Variants in SLC14A2 observed in about 807,000 individuals in gnomAD.
SLC14A2 encodes the protein solute carrier family 14 member 2.
Under a neutral mutation model 104.6 loss-of-function variants are expected in SLC14A2, and 91 were observed. The observed-to-expected ratio is 0.87, with a 90% CI of 0.73 to 1.04. The LOEUF (loss-of-function observed/expected upper bound fraction) is 1.04, where lower values mean the gene tolerates loss of function less well. Ranked by LOEUF, SLC14A2 falls within the 50% of genes least tolerant of loss-of-function variation. The pLI is 0.00. For missense variants in SLC14A2, 1,189 were observed against 1,156.0 expected (o/e 1.03, Z -0.41); for synonymous variants, 476 against 466.4 (o/e 1.02, Z -0.27).
chr18:45,594,913 C>A (rs1411364687), intron 2 of SLC14A2, among the ~76,000 whole-genome samples: 3 of 152,192 alleles, frequency 2.0e-5, no homozygotes, highest in Non-Finnish European at 4.4e-5. Flanking sequence ...ACTACGCATG[C>A]CACACCTGCA....
At chr18:45,284,434 A>G (rs1230925616) in intron 1 of SLC14A2, among the ~76,000 whole-genome samples, 1 of 152,158 alleles carries the variant, frequency 6.6e-6, no homozygotes, top group Non-Finnish European at 1.5e-5. Context: ...ATGTTTTGGC[A>G]GGCGCTGTCT....
chr18:45,369,613 T>G (rs1158358516), intron 1 of SLC14A2, among the ~76,000 whole-genome samples: 1 of 152,218 alleles, frequency 6.6e-6, no homozygotes, highest in East Asian at 1.9e-4. Context: ...GTGCTTTCAT[T>G]TAATTTCTTT....
intron 1 of SLC14A2, among the ~76,000 whole-genome samples, chr18:45,375,342 CT>C (rs2144363967): frequency 6.6e-6 from 1 of 152,314 alleles, no homozygotes; most frequent in African/African-American, 2.4e-5. Context: ...GCTTGAGATA[CT>C]TTGCAGACCC....
At chr18:45,281,294 A>G (rs986545838) in intron 1 of SLC14A2, among the ~76,000 whole-genome samples, 1 of 152,140 alleles carries the variant, frequency 6.6e-6, no homozygotes, top group Non-Finnish European at 1.5e-5. Context: ...TATATCATAT[A>G]TATACACACT....
chr18:45,425,125 C>T (rs141366363), intron 1 of SLC14A2, among the ~76,000 whole-genome samples: 9 of 152,296 alleles, frequency 5.9e-5, no homozygotes, highest in African/African-American at 2.2e-4. Flanking sequence ...TTGAGATTTT[C>T]AAGGCACGAA....
intron 1 of SLC14A2, among the ~76,000 whole-genome samples, chr18:45,384,807 G>A (rs962036388): frequency 4.1e-4 from 63 of 152,232 alleles, no homozygotes; most frequent in African/African-American, 1.3e-3. Context: ...TGGGGAGATG[G>A]GAAGTGAGTG....
chr18:45,479,168 G>T (rs1005933167), intron 1 of SLC14A2, among the ~76,000 whole-genome samples: 15 of 152,294 alleles, frequency 9.8e-5, no homozygotes, highest in African/African-American at 3.1e-4. Flanking sequence ...AAATTCAAAA[G>T]GAAGTGGGCA....
At chr18:45,192,030 C>A in the SLC14A2 span, among the ~76,000 whole-genome samples, 2 of 152,178 alleles carry the variant, frequency 1.3e-5, no homozygotes, top group African/African-American at 2.4e-5. Flanking sequence ...GGAATCCCAA[C>A]TCATGAGAAT....
In SLC14A2 at chr18:45,315,302, T is replaced by C. The variant is rs577761655; in HGVS notation, c.-125+102111T>C. 6.8e-4 allele frequency among the ~76,000 whole-genome samples: 103 copies of C among 152,216 alleles called. 1 individual carries two copies. The Middle Eastern group carries it at 0.017, about 25-fold the overall frequency. ...AGATCTGATTCCAGTTGTGGTCTAA[T>C]TGGAAAGGTCATTTGGCTGTGATGA... On this transcript the variant is annotated intron_variant, in intron 1 of 20. Coordinates refer to the SLC14A2 transcript ENST00000586448.
At position 45,667,781 on chromosome 18, in the gene SLC14A2, A is replaced by G. The variant is rs921181837; in HGVS notation, c.1718-52A>G. 3.3e-6 allele frequency: 5 copies of G among 1,501,588 alleles called. No individual in the cohort carries two copies. In the South Asian group the frequency reaches 4.6e-5, roughly 14 times the overall value. 93.0% of individuals were successfully genotyped at this position (1,501,588 alleles called of 1,614,324 possible). A position where few individuals can be genotyped will look rare whatever the true frequency, so the allele number is the denominator to read the frequency against. Reference sequence around the variant, plus strand: ...CCTCACACCCTCCATCTGCCCACCCAGGGCTGCCCACACTGAGCACTTGCC... The same window carrying G: ...CCTCACACCCTCCATCTGCCCACCCGGGGCTGCCCACACTGAGCACTTGCC... On this transcript the variant is annotated intron_variant, in intron 13 of 19. Transcript: ENST00000255226.
intron 1 of SLC14A2, among the ~76,000 whole-genome samples, chr18:45,215,324 G>C (rs2084000415): frequency 6.6e-6 from 1 of 152,068 alleles, no homozygotes; most frequent in Non-Finnish European, 1.5e-5. Flanking sequence ...GCCCTGTTAA[G>C]TTTGTCATTT....
intron 10 of SLC14A2, among the ~76,000 whole-genome samples, chr18:45,651,585 T>G (rs2045737614): frequency 6.6e-6 from 1 of 152,214 alleles, no homozygotes; most frequent in Non-Finnish European, 1.5e-5. Flanking sequence ...TCCTAAGATT[T>G]CTGCCCTGAT....
At chr18:45,522,141 T>A (rs563250325) in intron 2 of SLC14A2, among the ~76,000 whole-genome samples, 2 of 152,220 alleles carry the variant, frequency 1.3e-5, no homozygotes, top group Non-Finnish European at 2.9e-5. Context: ...ATCCTTCACG[T>A]GGGGTTACTG....
At chr18:45,502,893 G>A (rs1301450208) in intron 2 of SLC14A2, among the ~76,000 whole-genome samples, 1 of 151,314 alleles carries the variant, frequency 6.6e-6, no homozygotes, top group Non-Finnish European at 1.5e-5. Context: ...AAGGACCTAT[G>A]TGTCCTATGT....
chr18:45,354,419 C>T (rs898056183), intron 1 of SLC14A2, among the ~76,000 whole-genome samples: 9 of 152,168 alleles, frequency 5.9e-5, no homozygotes, highest in South Asian at 4.1e-4. Context: ...CCCATTCCTC[C>T]GCTCACTACT....
At chr18:45,367,015 C>T (rs999902235) in intron 1 of SLC14A2, among the ~76,000 whole-genome samples, 1 of 152,210 alleles carries the variant, frequency 6.6e-6, no homozygotes, top group African/African-American at 2.4e-5. Flanking sequence ...GTCAGAATCA[C>T]AGCTCCATTT....
At chr18:45,472,768 G>T (rs572004417) in intron 1 of SLC14A2, among the ~76,000 whole-genome samples, 330 of 152,142 alleles carry the variant, frequency 2.2e-3, no homozygotes, top group Non-Finnish European at 4.1e-3. Flanking sequence ...TATAGATTCT[G>T]GATATTAGCC....
intron 1 of SLC14A2, among the ~76,000 whole-genome samples, chr18:45,304,024 C>T (rs2144197723): frequency 6.6e-6 from 1 of 152,230 alleles, no homozygotes; most frequent in East Asian, 1.9e-4. Context: ...TGACTCAGAG[C>T]TTACAATATT....
At chr18:45,418,032 T>C (rs1387856141) in intron 1 of SLC14A2, among the ~76,000 whole-genome samples, 1 of 152,188 alleles carries the variant, frequency 6.6e-6, no homozygotes, top group Non-Finnish European at 1.5e-5. Context: ...TTCAGGGAAA[T>C]AGCACCATCC....
Sources: allele counts gnomAD v4.1 joint callset (sites outside exome capture counted in the v4.1 genomes callset), GRCh38; gene constraint gnomAD v4.1.1; transcripts MANE v1.5; gene names NCBI Gene and HGNC (gene_info 2026-07-23, HGNC 2026-07-21).